Variants in SAMD4A observed in about 807,000 individuals in gnomAD.
The protein encoded by SAMD4A is protein Smaug homolog 1.
SAMD4A carries 33 observed loss-of-function variants against 81.3 expected under a neutral mutation model. The observed-to-expected ratio is 0.41, with a 90% CI of 0.31 to 0.54. The LOEUF is 0.54. SAMD4A is among the 20% of genes least tolerant of loss of function. The pLI, the probability that SAMD4A is intolerant of heterozygous loss-of-function variation, is 0.37. For missense variants in SAMD4A, 854 were observed against 951.1 expected (o/e 0.90, Z 1.34); for synonymous variants, 389 against 382.1 (o/e 1.02, Z -0.21).
intron 11 of SAMD4A, chr14:54,784,286 A>G: frequency 1.4e-6 from 2 of 1,387,072 alleles, no homozygotes; most frequent in Non-Finnish European, 2.0e-6. Flanking sequence ...TTCTGAGCAG[A>G]GGAGGCACAG....
At chr14:54,608,669 G>C (rs1443627046) in intron 2 of SAMD4A, among the ~76,000 whole-genome samples, 1 of 152,188 alleles carries the variant, frequency 6.6e-6, no homozygotes, top group East Asian at 1.9e-4. Context: ...TTGAGCAATG[G>C]ATTTTGCATT....
At chr14:54,701,658 C>T (rs2036720642) in intron 2 of SAMD4A, among the ~76,000 whole-genome samples, 1 of 152,210 alleles carries the variant, frequency 6.6e-6, no homozygotes, top group African/African-American at 2.4e-5. Flanking sequence ...AGCCTCACCC[C>T]CAGGACTCTG....
intron 3 of SAMD4A, among the ~76,000 whole-genome samples, chr14:54,714,202 T>A (rs1010411386): frequency 6.6e-6 from 1 of 152,222 alleles, no homozygotes; most frequent in African/African-American, 2.4e-5. Flanking sequence ...CTTAATACGT[T>A]ACTGTCTTTG....
At chr14:54,719,867 C>T (rs1015377052) in intron 3 of SAMD4A, among the ~76,000 whole-genome samples, 1 of 152,204 alleles carries the variant, frequency 6.6e-6, no homozygotes, top group African/African-American at 2.4e-5. Flanking sequence ...TTCTCCTACT[C>T]CCATCTGTGT....
intron 6 of SAMD4A, 84 bp from the exon 7 acceptor site, chr14:54,760,076 AG>A (rs941335047): frequency 7.3e-7 from 1 of 1,368,520 alleles, no homozygotes; most frequent in African/African-American, 1.5e-5. Context: ...ATCCTGTAAG[AG>A]CTCAGGGCAG....
At position 54,667,913 on chromosome 14, in the gene SAMD4A, C is replaced by A. The variant is rs186637604; in HGVS notation, c.197-34149C>A. ...ACTGGACAGCTGTTCAGTGGTGGGC[C>A]TGCCTGCCTCGGGAGCCCTGAGGGC... On this transcript the variant is annotated intron_variant, in intron 2 of 12. Transcript: ENST00000554335. Among the ~76,000 whole-genome samples, 20 of 152,292 alleles carry A rather than the reference C, an allele frequency of 1.3e-4. No individual in the cohort carries two copies. The East Asian group carries it at 3.5e-3, about 26-fold the overall frequency.
chr14:54,567,793 C>T lies in SAMD4A; in HGVS notation c.-124C>T. 9.9e-7 allele frequency: 1 copy of T among 1,009,762 alleles called. No individual in the cohort carries two copies. Among genetic ancestry groups the T allele is most frequent in the Admixed American group, 2.8e-5 (1 of 35,498 alleles). 62.6% of individuals were successfully genotyped at this position (1,009,762 alleles called of 1,614,324 possible). ...GGCAGTACCTGCAGCGTCCGGGCACCAGAGCCACCTTGGAACAGGAACGCG... is the reference window on the plus strand; with the variant it reads ...GGCAGTACCTGCAGCGTCCGGGCACTAGAGCCACCTTGGAACAGGAACGCG... On this transcript the variant is annotated 5_prime_UTR_variant, in exon 2 of 13. Coordinates refer to ENST00000554335, the MANE Select transcript of SAMD4A (RefSeq NM_015589.6).
intron 3 of SAMD4A, among the ~76,000 whole-genome samples, chr14:54,715,086 T>C (rs1470415226): frequency 6.6e-6 from 1 of 152,146 alleles, no homozygotes; most frequent in Non-Finnish European, 1.5e-5. Flanking sequence ...ATTCACACTT[T>C]TAAAAATTAT....
At chr14:54,606,219 A>ATGTGTGTGTGTGTG (rs1566543939) in intron 2 of SAMD4A, among the ~76,000 whole-genome samples, 3 of 77,608 alleles carry the variant, frequency 3.9e-5, no homozygotes, top group African/African-American at 1.4e-4. Context: ...GTGTGCGTGC[A>ATGTGTGTGTGTGTG]CGTGCACGTG....
chr14:54,671,681 G>A (rs1253467298), intron 2 of SAMD4A, among the ~76,000 whole-genome samples: 1 of 152,236 alleles, frequency 6.6e-6, no homozygotes, highest in Non-Finnish European at 1.5e-5. Context: ...CCAGAATTCT[G>A]TAGTGGGTGT....
At position 54,788,983 on chromosome 14, in the gene SAMD4A, G is replaced by C; in HGVS notation, c.*39G>C. Reference sequence around the variant, plus strand: ...GAGTGACCGCGCTGGCCGTGAAATCGACTGCTGCGGGTCCAGTGTCCGCCA... The same window carrying C: ...GAGTGACCGCGCTGGCCGTGAAATCCACTGCTGCGGGTCCAGTGTCCGCCA... On this transcript the variant is annotated 3_prime_UTR_variant, in exon 13 of 13. Coordinates refer to ENST00000554335, the MANE Select transcript of SAMD4A (RefSeq NM_015589.6). The C allele has an allele frequency of 6.2e-7, 1 of 1,610,146 alleles. No homozygotes were observed. Among genetic ancestry groups the C allele is most frequent in the South Asian group, 1.1e-5 (1 of 90,990 alleles).
intron 3 of SAMD4A, among the ~76,000 whole-genome samples, chr14:54,718,901 G>A (rs796737945): frequency 1.3e-5 from 2 of 152,058 alleles, no homozygotes; most frequent in African/African-American, 4.8e-5. Context: ...TACTTGGAAG[G>A]CTGAAGCAGG....
At chr14:54,572,485 T>A (rs2033158168) in intron 2 of SAMD4A, among the ~76,000 whole-genome samples, 1 of 152,254 alleles carries the variant, frequency 6.6e-6, no homozygotes, top group Non-Finnish European at 1.5e-5. Flanking sequence ...AGAGCCAGTT[T>A]AGTTCAGACA....
intron 2 of SAMD4A, among the ~76,000 whole-genome samples, chr14:54,634,705 C>A (rs1322113287): frequency 8.6e-6 from 1 of 116,250 alleles, no homozygotes; most frequent in African/African-American, 3.4e-5. Flanking sequence ...TGGGGACCCT[C>A]TATCTATCTA....
chr14:54,566,412 G>A (rs1469947580), upstream of SAMD4A, among the ~76,000 whole-genome samples: 1 of 151,834 alleles, frequency 6.6e-6, no homozygotes, highest in Non-Finnish European at 1.5e-5. Flanking sequence ...CTGGGAGCCG[G>A]AAGCAGCGTG....
At chr14:54,611,887 AAAAG>A (rs2034366529) in intron 2 of SAMD4A, among the ~76,000 whole-genome samples, 1 of 151,960 alleles carries the variant, frequency 6.6e-6, no homozygotes, top group African/African-American at 2.4e-5. Flanking sequence ...AAAAAAAAAA[AAAAG>A]AAAAAAGAAA....
At chr14:54,696,913 T>G (rs955496357) in intron 2 of SAMD4A, 1 of 152,230 alleles carries the variant, frequency 6.6e-6, no homozygotes, top group Non-Finnish European at 1.5e-5. Context: ...TTGAAGTTCT[T>G]GCACTTAAGT....
Position 54,675,495 on chromosome 14 carries a change from T to G in SAMD4A, c.197-26567T>G, listed in dbSNP as rs12432881. The stretch of plus-strand genomic sequence containing the variant: ...AAACTTTAAACTTATTCCTTAGCTA[T>G]GCTTTAGGTCTGACTAAGCAATAGT... On this transcript the variant is annotated intron_variant, in intron 2 of 12. Coordinates refer to ENST00000554335, the MANE Select transcript of SAMD4A (RefSeq NM_015589.6). Among the ~76,000 whole-genome samples, 6 of 152,080 alleles carry G rather than the reference T, an allele frequency of 3.9e-5. No homozygotes were observed. In the East Asian group the frequency reaches 1.2e-3, roughly 29 times the overall value.
chr14:54,629,217 T>A (rs2034837179), intron 2 of SAMD4A, among the ~76,000 whole-genome samples: 1 of 152,114 alleles, frequency 6.6e-6, no homozygotes, highest in African/African-American at 2.4e-5. Context: ...ATGCCCAGGA[T>A]TGACGGCCAC....
Sources: gnomAD v4.1 joint callset for allele counts (sites outside exome capture counted in the v4.1 genomes callset) on GRCh38, gnomAD v4.1.1 for gene constraint, MANE v1.5 for transcripts, NCBI Gene and HGNC (gene_info 2026-07-23, HGNC 2026-07-21) for gene names.